Variants in IL34 observed in about 807,000 individuals in gnomAD.
IL34 encodes the protein interleukin 34.
IL34 carries 17 observed loss-of-function variants against 25.3 expected under a neutral mutation model. The observed-to-expected ratio is 0.67, with a 90% confidence interval of 0.46 to 1.01. The LOEUF (loss-of-function observed/expected upper bound fraction) is 1.01, where lower values mean the gene tolerates loss of function less well. Among genes scored for constraint, IL34 ranks in the 50% least tolerant of loss-of-function variants. The pLI is 0.00. For synonymous variants in IL34, 174 were observed against 140.9 expected, an observed-to-expected ratio of 1.23 and a Z score of -1.66; for missense variants, 368 against 312.9, an observed-to-expected ratio of 1.18 and a Z score of -1.33.
intron 1 of IL34, among the ~76,000 whole-genome samples, chr16:70,618,085 G>A (rs1042099374): frequency 3.3e-5 from 5 of 152,138 alleles, no homozygotes; most frequent in Admixed American, 3.3e-4. Flanking sequence ...AATAGCAGAT[G>A]GAACACTGAG....
At chr16:70,628,976 G>C (rs930420157) in intron 1 of IL34, among the ~76,000 whole-genome samples, 3 of 151,988 alleles carry the variant, frequency 2.0e-5, no homozygotes, top group Non-Finnish European at 4.4e-5. Context: ...TTAATGTATA[G>C]ACAGGGTCTT....
At chr16:70,596,913 G>C (rs555715894) in intron 1 of IL34, among the ~76,000 whole-genome samples, 9 of 152,046 alleles carry the variant, frequency 5.9e-5, no homozygotes, top group African/African-American at 2.2e-4. Flanking sequence ...GAGGAGGATG[G>C]GACTCTGAAG....
At chr16:70,622,926 T>C (rs939942335) in intron 1 of IL34, among the ~76,000 whole-genome samples, 14 of 152,026 alleles carry the variant, frequency 9.2e-5, no homozygotes, top group African/African-American at 3.1e-4. Flanking sequence ...GTCAAATTGT[T>C]TGGACAGAAA....
chr16:70,629,632 G>C (rs1320334962), intron 1 of IL34, among the ~76,000 whole-genome samples: 1 of 151,790 alleles, frequency 6.6e-6, no homozygotes, highest in African/African-American at 2.4e-5. Context: ...TGTTTGGGGA[G>C]TAATGACAAG....
At chr16:70,599,363 C>G (rs1301633117) in intron 1 of IL34, among the ~76,000 whole-genome samples, 1 of 123,180 alleles carries the variant, frequency 8.1e-6, no homozygotes, top group Non-Finnish European at 1.7e-5. Flanking sequence ...CTCTCTTTCT[C>G]TTTCTTTCTT....
intron 1 of IL34, among the ~76,000 whole-genome samples, chr16:70,626,643 A>G (rs8053536): frequency 0.54 from 81,922 of 151,950 alleles, 23,997 homozygotes; most frequent in African/African-American, 0.78. Context: ...TGATCTGCCC[A>G]CCTCAGCCTC....
intron 1 of IL34, among the ~76,000 whole-genome samples, chr16:70,591,801 T>A (rs2050758174): frequency 6.6e-6 from 1 of 151,920 alleles, no homozygotes; most frequent in Non-Finnish European, 1.5e-5. Flanking sequence ...ATCAGAGAGG[T>A]TAAGTCATGC....
intron 1 of IL34, among the ~76,000 whole-genome samples, chr16:70,647,654 T>C (rs1199744701): frequency 6.6e-6 from 1 of 152,176 alleles, no homozygotes; most frequent in African/African-American, 2.4e-5. Flanking sequence ...GCAGAGTCAC[T>C]GCCATGACAA....
chr16:70,660,224 A>G lies in IL34; in HGVS notation c.*37A>G. 6.6e-7 allele frequency: 1 copy of G among 1,509,538 alleles called. No homozygotes were observed. The highest frequency in any genetic ancestry group is 8.9e-7 in the Non-Finnish European group (1 of 1,129,128). 93.5% of individuals were successfully genotyped at this position (1,509,538 alleles called of 1,614,324 possible). On this transcript the variant is annotated 3_prime_UTR_variant, in exon 6 of 6. Coordinates refer to ENST00000288098, the MANE Select transcript of IL34 (RefSeq NM_001393494.1). ...GGTGACTGCGGATAGGGGCAGCCAG[A>G]CCAGCTCCCACAGGAGTTCAACTGG...
intron 1 of IL34, among the ~76,000 whole-genome samples, chr16:70,652,963 G>A (rs2052118016): frequency 6.6e-6 from 1 of 152,154 alleles, no homozygotes; most frequent in African/African-American, 2.4e-5. Flanking sequence ...CAGCACTTTG[G>A]GAGGCAGAGG....
At chr16:70,653,255 C>G (rs1171989320) in intron 1 of IL34, among the ~76,000 whole-genome samples, 1 of 151,290 alleles carries the variant, frequency 6.6e-6, no homozygotes, top group Non-Finnish European at 1.5e-5. Context: ...GCACATGCCT[C>G]TCATCCCAGC....
intron 1 of IL34, among the ~76,000 whole-genome samples, chr16:70,628,757 G>C (rs2051452453): frequency 6.7e-6 from 1 of 148,796 alleles, no homozygotes; most frequent in African/African-American, 2.5e-5. Flanking sequence ...AAAGTCCTGG[G>C]ATTACAGGCA....
intron 1 of IL34, among the ~76,000 whole-genome samples, chr16:70,594,981 G>A (rs1041478469): frequency 1.4e-5 from 2 of 146,482 alleles, no homozygotes; most frequent in Non-Finnish European, 3.0e-5. Flanking sequence ...CTGAGACAGA[G>A]TCTCCCTCTG....
At position 70,656,780 on chromosome 16, in the gene IL34, C is replaced by T. The variant is rs1457091406; in HGVS notation, c.240+101C>T. 1.1e-4 allele frequency: 106 copies of T among 958,970 alleles called. No homozygotes were observed. In the Admixed American group the frequency reaches 1.8e-3, roughly 16 times the overall value. The allele number at this position is 958,970 out of a possible 1,614,324, so 59.4% of individuals were successfully genotyped here. A position where few individuals can be genotyped will look rare whatever the true frequency, so the allele number is the denominator to read the frequency against. ...GGGACTGGCAGGTGGTGCTGCTGGC[C>T]TGGGGCCTCTCCTCAGCCCCGAGAG... On this transcript the variant is annotated intron_variant, in intron 3 of 5. Transcript: ENST00000288098.
chr16:70,599,293 C>CTTTCTTTCTTTTCTTTCTTTCT (rs113794220), intron 1 of IL34, among the ~76,000 whole-genome samples: 1 of 132,702 alleles, frequency 7.5e-6, no homozygotes, highest in African/African-American at 3.0e-5. Flanking sequence ...TTCTTTCTTT[C>CTTTCTTTCTTTTCTTTCTTTCT]TTCTTTCTTT....
At chr16:70,594,094 G>T (rs1555502680) in intron 1 of IL34, among the ~76,000 whole-genome samples, 1 of 152,066 alleles carries the variant, frequency 6.6e-6, no homozygotes, top group African/African-American at 2.4e-5. Context: ...TCTTTTTTGT[G>T]TTGTCCTTCT....
chr16:70,608,918 A>G (rs757002383), intron 1 of IL34, among the ~76,000 whole-genome samples: 6 of 152,108 alleles, frequency 3.9e-5, no homozygotes, highest in Non-Finnish European at 8.8e-5. Flanking sequence ...TGCCACTCAG[A>G]CCTGGTTCCA....
At chr16:70,641,806 A>G (rs1195597493), upstream of IL34, among the ~76,000 whole-genome samples, 4 of 1,100 alleles carry the variant, frequency 3.6e-3, no homozygotes, top group Non-Finnish European at 8.5e-3. Context: ...GGCTCAAGCA[A>G]TCCACCCCCC....
At chr16:70,589,006 C>T (rs1041811439) in intron 1 of IL34, among the ~76,000 whole-genome samples, 1 of 151,988 alleles carries the variant, frequency 6.6e-6, no homozygotes, top group African/African-American at 2.4e-5. Context: ...GTATTTAATG[C>T]CACTGGGAAA....
Sources: gnomAD v4.1 joint callset for allele counts (sites outside exome capture counted in the v4.1 genomes callset) on GRCh38, gnomAD v4.1.1 for gene constraint, MANE v1.5 for transcripts, NCBI Gene and HGNC (gene_info 2026-07-23, HGNC 2026-07-21) for gene names.